RSPH14: variants seen among roughly 807,000 people sequenced by gnomAD.
The protein encoded by RSPH14 is radial spoke head 14 homolog, also known as rhabdoid tumor deletion region gene 1.
RSPH14 carries 20 observed loss-of-function variants against 26.7 expected under a neutral mutation model. That is an observed-to-expected ratio of 0.75 (90% CI 0.53 to 1.09). RSPH14 has a LOEUF of 1.09. RSPH14 is among the 50% of genes least tolerant of loss of function. The probability of loss-of-function intolerance (pLI) is 0.00; values close to 1 mark genes in which losing one functional copy is unlikely to be tolerated. For synonymous variants in RSPH14, 177 were observed against 189.3 expected (o/e 0.93, Z 0.53); for missense variants, 449 against 457.2 (o/e 0.98, Z 0.16).
chr22:23,082,671 G>A (rs2068716284), intron 4 of RSPH14, among the ~76,000 whole-genome samples: 1 of 152,134 alleles, frequency 6.6e-6, no homozygotes. Context: ...GAACTCCCAC[G>A]GCAGGCCAGC....
chr22:23,078,499 T>C (rs75762563), intron 4 of RSPH14, among the ~76,000 whole-genome samples: 3,864 of 152,310 alleles, frequency 0.025, 176 homozygotes, highest in African/African-American at 0.089. Flanking sequence ...ATCTCTGTCG[T>C]GGCTCCTGGA....
At chr22:23,097,907 C>T (rs1430081587) in intron 4 of RSPH14, among the ~76,000 whole-genome samples, 4 of 152,244 alleles carry the variant, frequency 2.6e-5, no homozygotes, top group South Asian at 2.1e-4. Context: ...GCAAATTCCC[C>T]GGGCACCAGG....
the RSPH14 span, among the ~76,000 whole-genome samples, chr22:23,165,233 A>G: frequency 6.6e-6 from 1 of 152,340 alleles, no homozygotes; most frequent in East Asian, 1.9e-4. Flanking sequence ...TTGCTCAAAC[A>G]AGACCATGTT....
chr22:23,174,874 A>C, the RSPH14 span, among the ~76,000 whole-genome samples: 3 of 151,760 alleles, frequency 2.0e-5, no homozygotes, highest in African/African-American at 7.3e-5. Flanking sequence ...AGGCTGAGGC[A>C]GGAGAATTGC....
intron 4 of RSPH14, among the ~76,000 whole-genome samples, chr22:23,125,415 G>T (rs2070157844): frequency 1.3e-5 from 2 of 152,180 alleles, no homozygotes; most frequent in South Asian, 2.1e-4. Flanking sequence ...TGGAAGAGGT[G>T]CCCTGAGGGC....
upstream of RSPH14, among the ~76,000 whole-genome samples, chr22:23,143,882 G>A (rs2070650527): frequency 1.3e-5 from 2 of 152,138 alleles, no homozygotes; most frequent in Admixed American, 1.3e-4. Context: ...CATGAGGCCA[G>A]GAGTTCAAAA....
rs919732521 is a variant in RSPH14, at chr22:23,063,975, C to G, written c.580G>C (p.Val194Leu). 1 of 1,614,080 alleles carries G rather than the reference C, an allele frequency of 6.2e-7. No individual in the cohort carries two copies. The highest frequency in any genetic ancestry group is 1.1e-5 in the South Asian group (1 of 91,088). Residue 194 changes from valine to leucine, a missense_variant, in exon 5 of 7, where the codon GTC (valine) becomes CTC (leucine). Physicochemically the swap from Val to Leu is conservative, Grantham distance 32. Coordinates refer to ENST00000216036, the MANE Select transcript of RSPH14 (RefSeq NM_014433.3). Reference protein sequence around the residue: ...TEALGSNVVLVLKQKLLSANQ... With the variant: ...TEALGSNVVLLLKQKLLSANQ... ...GCGCTGAGGAGCTTCTGCTTCAGGA[C>G]AAGCACCACATTGCTGCCCAGGGCC... is the stretch of plus-strand genomic sequence containing the variant.
chr22:23,111,020 C>T (rs905966803), intron 4 of RSPH14, among the ~76,000 whole-genome samples: 17 of 152,316 alleles, frequency 1.1e-4, no homozygotes, highest in Non-Finnish European at 2.2e-4. Flanking sequence ...AGAGCCACTT[C>T]GAATGAGGGG....
rs143014253 is a variant in RSPH14, at chr22:23,091,910, T to G, written c.422-27777A>C. On this transcript the variant is annotated intron_variant, in intron 4 of 6. Transcript: ENST00000216036. ...ACTCTGACCTTCCTTCAGTTCCCCT[T>G]TGTGTTAGGGATGGTTTGTCCCTTT... Among the ~76,000 whole-genome samples the G allele has an allele frequency of 3.0e-3, 458 of 152,282 alleles. 1 individual carries two copies. Among genetic ancestry groups the G allele is most frequent in the African/African-American group, 0.01 (433 of 41,550 alleles).
intron 4 of RSPH14, among the ~76,000 whole-genome samples, chr22:23,065,813 A>G (rs2068197897): frequency 6.6e-6 from 1 of 152,318 alleles, no homozygotes; most frequent in South Asian, 2.1e-4. Context: ...AGCTACAAGC[A>G]AGGGCCTGCT....
chr22:23,151,137 G>A, the RSPH14 span, among the ~76,000 whole-genome samples: 12 of 152,374 alleles, frequency 7.9e-5, no homozygotes, highest in Non-Finnish European at 1.8e-4. Flanking sequence ...AGCGCAGCTA[G>A]AGGTTCCCAA....
At chr22:23,175,762 ATCC>A in the RSPH14 span, among the ~76,000 whole-genome samples, 22 of 152,328 alleles carry the variant, frequency 1.4e-4, no homozygotes, top group African/African-American at 4.8e-4. Flanking sequence ...CTCAGGGCCC[ATCC>A]AGCCTCCAGC....
At chr22:23,143,108 C>T (rs2070628230), upstream of RSPH14, among the ~76,000 whole-genome samples, 1 of 151,960 alleles carries the variant, frequency 6.6e-6, no homozygotes, top group Admixed American at 6.6e-5. Context: ...GAGTGGACAA[C>T]ATTGGAAAAA....
chr22:23,059,785 T>C, intron 6 of RSPH14, 67 bp from the exon 7 acceptor site: 1 of 1,465,890 alleles, frequency 6.8e-7, no homozygotes, highest in Non-Finnish European at 9.0e-7. Flanking sequence ...CCTCTCACCC[T>C]AGCCCTCTCC....
the RSPH14 span, chr22:23,157,970 T>C: frequency 6.2e-7 from 1 of 1,613,996 alleles, no homozygotes; most frequent in African/African-American, 1.3e-5. Context: ...TGATTGGCTG[T>C]TGGCTTTTTC....
upstream of RSPH14, among the ~76,000 whole-genome samples, chr22:23,148,737 C>T (rs918900487): frequency 1.3e-5 from 2 of 152,216 alleles, no homozygotes; most frequent in African/African-American, 4.8e-5. Flanking sequence ...AATCAGCTCA[C>T]ACTTCTTACC....
chr22:23,167,005 C>T, the RSPH14 span, among the ~76,000 whole-genome samples: 1 of 152,104 alleles, frequency 6.6e-6, no homozygotes, highest in South Asian at 2.1e-4. Context: ...ACTACCACCC[C>T]CGCCCTGTCC....
intron 4 of RSPH14, among the ~76,000 whole-genome samples, chr22:23,077,985 G>C (rs2068552955): frequency 6.6e-6 from 1 of 152,214 alleles, no homozygotes; most frequent in Admixed American, 6.5e-5. Flanking sequence ...GCCCAGCTCT[G>C]CATGGCATGT....
At chr22:23,123,451 G>T in intron 4 of RSPH14, 1 of 1,533,668 alleles carries the variant, frequency 6.5e-7, no homozygotes, top group Non-Finnish European at 9.0e-7. Context: ...CCCGGGGCCC[G>T]CCTGCCTATG....
Sources: gnomAD v4.1 joint callset for allele counts (sites outside exome capture counted in the v4.1 genomes callset) on GRCh38, gnomAD v4.1.1 for gene constraint, MANE v1.5 for transcripts, NCBI Gene and HGNC (gene_info 2026-07-23, HGNC 2026-07-21) for gene names.